The following BOK variants were observed in gnomAD, a reference collection of about 807,000 sequenced individuals.
BOK encodes the protein bcl-2-related ovarian killer protein.
A neutral mutation model predicts 18.3 loss-of-function variants in BOK; 20 were observed. That is an observed-to-expected ratio of 1.09 (90% confidence interval 0.77 to 1.59). The LOEUF (loss-of-function observed/expected upper bound fraction) is 1.59. Ranked by LOEUF, BOK falls within the 40% of genes most tolerant of loss-of-function variation. BOK has a pLI of 0.00. For missense variants in BOK, 348 were observed against 307.9 expected, an observed-to-expected ratio of 1.13 and a Z score of -0.97; for synonymous variants, 173 against 142.4, an observed-to-expected ratio of 1.21 and a Z score of -1.53.
chr2:241,558,490 A>C (rs1448139415), upstream of BOK, among the ~76,000 whole-genome samples: 1 of 152,218 alleles, frequency 6.6e-6, no homozygotes, highest in East Asian at 1.9e-4. Flanking sequence ...ACGTCTCCAG[A>C]CTCTGGAAAG....
intron 3 of BOK, among the ~76,000 whole-genome samples, chr2:241,563,075 C>G (rs575226441): frequency 2.0e-5 from 3 of 152,160 alleles, no homozygotes; most frequent in Non-Finnish European, 4.4e-5. Context: ...GCGCATCTCA[C>G]CTGGCTGTGC....
upstream of BOK, among the ~76,000 whole-genome samples, chr2:241,556,384 A>G (rs149686063): frequency 0.12 from 18,477 of 152,170 alleles, 1,331 homozygotes; most frequent in South Asian, 0.23. Context: ...AGAGATCGAG[A>G]CCATCCTGGC....
Position 241,572,720 on chromosome 2 carries a change from C to G in BOK, c.*298C>G. The G allele has an allele frequency of 4.6e-6, 2 of 439,376 alleles. No homozygotes were observed. The highest frequency in any genetic ancestry group is 2.7e-5 in the South Asian group (1 of 36,608). The allele number at this position is 439,376 out of a possible 1,614,324, so 27.2% of individuals were successfully genotyped here. On this transcript the variant is annotated 3_prime_UTR_variant, in exon 5 of 5. Coordinates refer to ENST00000318407, the MANE Select transcript of BOK (RefSeq NM_032515.5). ...TGGGGCCAGGAAGTCAGGGTCAACT[C>G]CCAGGCCTCAGATGCAGGGGCCCAG...
chr2:241,571,969 C>T (rs1369424473), intron 4 of BOK, among the ~76,000 whole-genome samples: 3 of 152,230 alleles, frequency 2.0e-5, no homozygotes, highest in African/African-American at 7.2e-5. Context: ...GAGCTGGCAC[C>T]CTGGTCTGGA....
chr2:241,558,331 T>C (rs572759524), upstream of BOK, among the ~76,000 whole-genome samples: 11 of 152,270 alleles, frequency 7.2e-5, no homozygotes, highest in Middle Eastern at 3.4e-3. Context: ...AAAGAAAATA[T>C]TGATAAATTG....
At chr2:241,553,119 C>T (rs1296252143) in intron 1 of BOK, among the ~76,000 whole-genome samples, 1 of 150,826 alleles carries the variant, frequency 6.6e-6, no homozygotes, top group African/African-American at 2.4e-5. Flanking sequence ...CCACCCCCGG[C>T]ATGGCATCCC....
At chr2:241,560,308 A>G in intron 2 of BOK, 2 of 979,312 alleles carry the variant, frequency 2.0e-6, no homozygotes. Flanking sequence ...GTGACTGTCC[A>G]GTCCCCTCAC....
intron 1 of BOK, among the ~76,000 whole-genome samples, chr2:241,553,468 TAAAGA>T (rs2066428589): frequency 6.6e-6 from 1 of 151,984 alleles, no homozygotes; most frequent in Non-Finnish European, 1.5e-5. Context: ...GGGTAATTTA[TAAAGA>T]AAAGAGATTT....
chr2:241,572,254 G>A lies in BOK; in HGVS notation c.514-43G>A, dbSNP rs753189340. 25 of 1,596,408 alleles carry A rather than the reference G, an allele frequency of 1.6e-5. 1 individual carries two copies. Among genetic ancestry groups the A allele is most frequent in the East Asian group, 9.0e-5 (4 of 44,450 alleles). On this transcript the variant is annotated intron_variant, in intron 4 of 4. Transcript: ENST00000318407. Reference sequence around the variant, plus strand: ...GGCCTGGCGGTGCTGGGGGCCTGGCGGTGCTGGCTCTGCTTTCTAACGGTC... The same window carrying A: ...GGCCTGGCGGTGCTGGGGGCCTGGCAGTGCTGGCTCTGCTTTCTAACGGTC...
rs748812814 is a variant in BOK at position 241,562,384 on chromosome 2, G to C, written c.257G>C (p.Arg86Pro). ...GAGATGATCCGGCCCAGCGTCTACC[G>C]CAACGTGGCGCGTCAGCTGCACATC... ...ELEMIRPSVY[R>P]NVARQLHISL... The change falls in exon 3 of 5, where the codon CGC becomes CCC. Residue 86 changes from arginine (R) to proline (P), a missense_variant. Physicochemically the swap from Arg to Pro is moderately radical, Grantham distance 103. Transcript: ENST00000318407. The surrounding 1 kb of genome is among the most constrained non-coding windows in gnomAD (Gnocchi z 4.5). The C allele has an allele frequency of 1.9e-6, 3 of 1,611,246 alleles. No homozygotes were observed. The highest frequency in any genetic ancestry group is 2.5e-6 in the Non-Finnish European group (3 of 1,179,618).
At chr2:241,557,260 T>C (rs1309655412), upstream of BOK, among the ~76,000 whole-genome samples, 5 of 152,000 alleles carry the variant, frequency 3.3e-5, no homozygotes, top group African/African-American at 1.2e-4. Context: ...TGTTCTTTTC[T>C]AGCTTCTTGA....
chr2:241,565,794 T>A (rs776748751), intron 3 of BOK, among the ~76,000 whole-genome samples: 1 of 152,242 alleles, frequency 6.6e-6, no homozygotes, highest in Non-Finnish European at 1.5e-5. Context: ...ATGTTGTTTC[T>A]GGCTGTTTTC....
Position 241,570,218 on chromosome 2 carries a change from C to A in BOK, c.443C>A (p.Ala148Asp), listed in dbSNP as rs2066689443. The A allele has an allele frequency of 6.2e-7, 1 of 1,602,552 alleles. No homozygotes were observed. Among genetic ancestry groups the A allele is most frequent in the Non-Finnish European group, 8.5e-7 (1 of 1,176,318 alleles). ...VRQAQPAMVH[A>D]LVDCLGEFVR... ...CAGGCCCAGCCTGCCATGGTCCACG[C>A]CCTCGTGGACTGCCTGGGGGAGTTC... Residue 148 changes from alanine to aspartate, a missense_variant, in exon 4 of 5, where the codon GCC becomes GAC. By Grantham distance (126) the Ala-to-Asp change is moderately radical (BLOSUM62 -2). Transcript: ENST00000318407.
upstream of BOK, among the ~76,000 whole-genome samples, chr2:241,555,932 G>A (rs530509376): frequency 4.6e-5 from 7 of 152,300 alleles, no homozygotes; most frequent in South Asian, 4.2e-4. Context: ...GCTACACAGC[G>A]GGAAGGTTGC....
chr2:241,554,898 C>T (rs991899592), upstream of BOK, among the ~76,000 whole-genome samples: 4 of 152,268 alleles, frequency 2.6e-5, no homozygotes, highest in South Asian at 4.1e-4. Flanking sequence ...AACCAGGGAC[C>T]GAGTTCCATG....
intron 3 of BOK, among the ~76,000 whole-genome samples, chr2:241,569,119 T>C (rs1452788259): frequency 6.6e-6 from 1 of 152,202 alleles, no homozygotes; most frequent in Non-Finnish European, 1.5e-5. Flanking sequence ...CACACTGCCA[T>C]TTAAAAGCAT....
upstream of BOK, among the ~76,000 whole-genome samples, chr2:241,556,748 G>A (rs1334749538): frequency 2.0e-5 from 3 of 152,014 alleles, no homozygotes; most frequent in Non-Finnish European, 4.4e-5. Flanking sequence ...AAATTACATT[G>A]ACCTCATAAA....
chr2:241,562,432 T>C lies in BOK; in HGVS notation c.305T>C (p.Val102Ala), dbSNP rs2066543695. ...ATCTCCCTGCAGTCTGAGCCTGTGG[T>C]GACCGATGCGTTCCTGGCCGTGGCT... Reference protein sequence around the residue: ...LHISLQSEPVVTDAFLAVAGH... With the variant: ...LHISLQSEPVATDAFLAVAGH... Residue 102 changes from valine to alanine, a missense_variant, in exon 3 of 5, where the codon GTG becomes GCG. Val to Ala is a moderately conservative substitution (Grantham distance 64). Coordinates refer to ENST00000318407, the MANE Select transcript of BOK (RefSeq NM_032515.5). This position sits in a 1 kb window ranked among gnomAD's most constrained non-coding sequence, Gnocchi z 4.5. 6 of 1,612,356 alleles carry C rather than the reference T, an allele frequency of 3.7e-6. No individual in the cohort carries two copies. Among genetic ancestry groups the C allele is most frequent in the Non-Finnish European group, 5.1e-6 (6 of 1,179,866 alleles).
At chr2:241,553,135 T>C (rs2066426405) in intron 1 of BOK, among the ~76,000 whole-genome samples, 5 of 144,364 alleles carry the variant, frequency 3.5e-5, no homozygotes, top group Admixed American at 3.4e-4. Context: ...ATCCCCAGTG[T>C]ACCTGAGACT....
Sources: allele counts gnomAD v4.1 joint callset (sites outside exome capture counted in the v4.1 genomes callset), GRCh38; gene constraint gnomAD v4.1.1; non-coding constraint Gnocchi (gnomAD v3.1); transcripts MANE v1.5; gene names NCBI Gene and HGNC (gene_info 2026-07-23, HGNC 2026-07-21).